RNF6: variants seen among roughly 807,000 people sequenced by gnomAD.
RNF6 encodes ring finger protein 6.
Under a neutral mutation model 50.1 loss-of-function variants are expected in RNF6, and 21 were observed. The ratio of observed to expected loss-of-function variants is 0.42; its 90% CI spans 0.30 to 0.60. RNF6 has a LOEUF of 0.60. Ranked by LOEUF, RNF6 falls within the 20% of genes least tolerant of loss-of-function variation. The pLI is 0.20. For synonymous variants in RNF6, 255 were observed against 291.8 expected (o/e 0.87, Z 1.29); for missense variants, 698 against 838.2 (o/e 0.83, Z 2.07).
chr13:26,151,665 G>C (rs769983256), intron 5 of RNF6, among the ~76,000 whole-genome samples: 2 of 143,710 alleles, frequency 1.4e-5, no homozygotes, highest in Non-Finnish European at 3.0e-5. Flanking sequence ...GAGACCCAAG[G>C]GAATAATGTG....
intron 5 of RNF6, among the ~76,000 whole-genome samples, chr13:26,190,471 CA>C (rs1868410920): frequency 6.6e-6 from 1 of 152,202 alleles, no homozygotes; most frequent in African/African-American, 2.4e-5. Context: ...TGACTTCTGA[CA>C]GATGCTTACC....
chr13:26,151,597 C>A (rs1214943239), intron 5 of RNF6, among the ~76,000 whole-genome samples: 4 of 141,632 alleles, frequency 2.8e-5, no homozygotes, highest in East Asian at 2.1e-4. Flanking sequence ...TTAACTGAAC[C>A]TTTTCTCCTT....
intron 5 of RNF6, among the ~76,000 whole-genome samples, chr13:26,180,416 AG>A (rs970988861): frequency 6.2e-4 from 95 of 152,236 alleles, no homozygotes; most frequent in African/African-American, 2.2e-3. Context: ...CCAAAACAGC[AG>A]GCCCCATTTG....
rs1271130380 is a variant in RNF6 at position 26,179,900 on chromosome 13, G to A, written n.768+35574C>T. On this transcript the variant is annotated intron_variant and non_coding_transcript_variant, in intron 5 of 5. Coordinates refer to the RNF6 transcript ENST00000468480. ...GACATCCAGGCTGGCCTGAAGCAGA[G>A]TCTAGTCCAGGATCCCAGCAGTCAA... 1.3e-5 allele frequency among the ~76,000 whole-genome samples: 2 copies of A among 152,216 alleles called. 1 individual carries two copies. The highest frequency in any genetic ancestry group is 4.1e-4 in the South Asian group (2 of 4,834).
chr13:26,132,647 A>G (rs1870450652), intron 5 of RNF6, among the ~76,000 whole-genome samples: 1 of 152,248 alleles, frequency 6.6e-6, no homozygotes, highest in Non-Finnish European at 1.5e-5. Context: ...AGCATTTTGC[A>G]AATAACTTTA....
intron 4 of RNF6, among the ~76,000 whole-genome samples, chr13:26,216,881 G>GGAGGC (rs1384905097): frequency 6.6e-6 from 1 of 152,120 alleles, no homozygotes. Context: ...CTTGAACCCG[G>GGAGGC]GAGGCAGAGG....
At position 26,175,580 on chromosome 13, in the gene RNF6, A is replaced by G. The variant is rs544824569; in HGVS notation, n.768+39894T>C. On this transcript the variant is annotated intron_variant and non_coding_transcript_variant, in intron 5 of 5. Transcript: ENST00000468480. The stretch of plus-strand genomic sequence containing the variant: ...ACCTGTCTTTGGCGTCCTGGTTACC[A>G]TCGCAGTTCCCCAAACACTAAGCAA... Among the ~76,000 whole-genome samples the G allele has an allele frequency of 8.5e-5, 13 of 152,296 alleles. 1 individual carries two copies. Among genetic ancestry groups the G allele is most frequent in the African/African-American group, 3.1e-4 (13 of 41,578 alleles).
intron 5 of RNF6, among the ~76,000 whole-genome samples, chr13:26,162,439 T>C (rs1420891918): frequency 6.6e-6 from 1 of 152,252 alleles, no homozygotes; most frequent in Non-Finnish European, 1.5e-5. Flanking sequence ...TGGCATGTGC[T>C]GACCTGTCTG....
intron 5 of RNF6, among the ~76,000 whole-genome samples, chr13:26,192,927 A>G (rs748617033): frequency 6.6e-6 from 1 of 152,220 alleles, no homozygotes; most frequent in Non-Finnish European, 1.5e-5. Flanking sequence ...AACGTGGTAT[A>G]TTGTAAGCTG....
At chr13:26,166,568 G>A (rs1464169620) in intron 5 of RNF6, among the ~76,000 whole-genome samples, 1 of 152,136 alleles carries the variant, frequency 6.6e-6, no homozygotes, top group African/African-American at 2.4e-5. Flanking sequence ...CAACAGCCAA[G>A]CTGAGAGGCA....
chr13:26,204,399 A>G (rs1351424844), intron 5 of RNF6, among the ~76,000 whole-genome samples: 1 of 148,442 alleles, frequency 6.7e-6, no homozygotes, highest in South Asian at 2.2e-4. Flanking sequence ...CGGGAGGCTG[A>G]GGCAGGAGAA....
chr13:26,197,103 C>T (rs889236247), intron 5 of RNF6, among the ~76,000 whole-genome samples: 4 of 151,846 alleles, frequency 2.6e-5, no homozygotes, highest in African/African-American at 4.9e-5. Context: ...TGACTACATC[C>T]AAACCCCTGC....
At chr13:26,178,080 T>A (rs1167153677) in intron 5 of RNF6, among the ~76,000 whole-genome samples, 2 of 152,036 alleles carry the variant, frequency 1.3e-5, no homozygotes, top group Non-Finnish European at 2.9e-5. Flanking sequence ...TCCCAGCTAC[T>A]CAGGAGGCTG....
intron 5 of RNF6, among the ~76,000 whole-genome samples, chr13:26,176,089 T>C (rs1185533920): frequency 6.6e-6 from 1 of 152,018 alleles, no homozygotes; most frequent in African/African-American, 2.4e-5. Context: ...AAATAGGCCA[T>C]GGTGGTTGTC....
intron 5 of RNF6, among the ~76,000 whole-genome samples, chr13:26,200,405 CTTTTTTTT>C (rs3030059): frequency 1.0e-4 from 11 of 107,384 alleles, no homozygotes; most frequent in Admixed American, 9.7e-5. Context: ...GTTTGAAATT[CTTTTTTTT>C]TTTTTTTTTT....
chr13:26,188,789 C>T (rs1047422776), intron 5 of RNF6, among the ~76,000 whole-genome samples: 3 of 151,640 alleles, frequency 2.0e-5, no homozygotes, highest in Non-Finnish European at 4.4e-5. Flanking sequence ...GCCACCATGC[C>T]CGGTTAATTT....
Position 26,204,405 on chromosome 13 carries a change from G to A in RNF6, n.768+11069C>T, listed in dbSNP as rs370543590. Among the ~76,000 whole-genome samples, 3 of 149,170 alleles carry A rather than the reference G, an allele frequency of 2.0e-5. No individual in the cohort carries two copies. The South Asian group carries it at 6.4e-4, about 32-fold the overall frequency. On this transcript the variant is annotated intron_variant and non_coding_transcript_variant, in intron 5 of 5. Coordinates refer to the RNF6 transcript ENST00000468480. Reference sequence around the variant, plus strand: ...CCAGCTACTCGGGAGGCTGAGGCAGGAGAATCTCTTGAAACTGGGAGGTGG... The same window carrying A: ...CCAGCTACTCGGGAGGCTGAGGCAGAAGAATCTCTTGAAACTGGGAGGTGG...
At chr13:26,132,432 C>G (rs2137536453) in exon 6 of RNF6, 2 of 460,460 alleles carry the variant, frequency 4.3e-6, no homozygotes, top group South Asian at 3.1e-5. Flanking sequence ...GGTAGCACTT[C>G]AGCTTGTATC....
intron 5 of RNF6, among the ~76,000 whole-genome samples, chr13:26,153,191 ATATTT>A (rs71080234): frequency 8.6e-4 from 129 of 149,916 alleles, no homozygotes; most frequent in Middle Eastern, 6.8e-3. Flanking sequence ...AAGATGTAAG[ATATTT>A]TATTTTATTT....
Sources: gnomAD v4.1 joint callset for allele counts (sites outside exome capture counted in the v4.1 genomes callset) on GRCh38, gnomAD v4.1.1 for gene constraint, MANE v1.5 for transcripts, NCBI Gene and HGNC (gene_info 2026-07-23, HGNC 2026-07-21) for gene names.